Variants in NXPH1 observed in about 807,000 individuals in gnomAD.
NXPH1 encodes neurexophilin-1.
Under a neutral mutation model 23.7 loss-of-function variants are expected in NXPH1, and 5 were observed. The ratio of observed to expected loss-of-function variants is 0.21; its 90% CI spans 0.11 to 0.44. The LOEUF is 0.44. NXPH1 is among the 20% of genes least tolerant of loss of function. NXPH1 has a pLI of 0.99. For missense variants in NXPH1, 324 were observed against 321.6 expected (o/e 1.01, Z -0.06); for synonymous variants, 144 against 122.2 (o/e 1.18, Z -1.18).
intron 2 of NXPH1, among the ~76,000 whole-genome samples, chr7:8,461,836 C>CTAAAAAAAAA (rs1816701364): frequency 2.4e-5 from 1 of 41,762 alleles, no homozygotes; most frequent in African/African-American, 8.6e-5. Flanking sequence ...GACTCCGTCT[C>CTAAAAAAAAA]AAAAAAAAAA....
chr7:8,608,070 C>T (rs903887967), intron 2 of NXPH1, among the ~76,000 whole-genome samples: 6 of 152,198 alleles, frequency 3.9e-5, no homozygotes, highest in African/African-American at 1.2e-4. Flanking sequence ...GAGAACACTG[C>T]TTTGCTGATT....
At chr7:8,489,871 T>C (rs1033782238) in intron 2 of NXPH1, among the ~76,000 whole-genome samples, 15 of 152,234 alleles carry the variant, frequency 9.9e-5, no homozygotes, top group African/African-American at 2.9e-4. Context: ...TGCATCTCAA[T>C]AGCTTTGCTG....
At chr7:8,606,055 G>A (rs977797308) in intron 2 of NXPH1, among the ~76,000 whole-genome samples, 2 of 151,958 alleles carry the variant, frequency 1.3e-5, no homozygotes, top group East Asian at 1.9e-4. Context: ...ATAGTTCTTG[G>A]TGATTTTGTG....
At chr7:8,688,574 G>A (rs1371583303) in intron 2 of NXPH1, among the ~76,000 whole-genome samples, 1 of 152,178 alleles carries the variant, frequency 6.6e-6, no homozygotes. Context: ...TCTGTTGCAT[G>A]ACAGGCAAAG....
At chr7:8,475,991 A>G (rs1816964166) in intron 2 of NXPH1, among the ~76,000 whole-genome samples, 1 of 152,134 alleles carries the variant, frequency 6.6e-6, no homozygotes, top group Non-Finnish European at 1.5e-5. Flanking sequence ...GTTTATTTTT[A>G]AGGCAATGGG....
At chr7:8,663,007 T>A (rs780272066) in intron 2 of NXPH1, among the ~76,000 whole-genome samples, 2 of 152,080 alleles carry the variant, frequency 1.3e-5, no homozygotes, top group African/African-American at 2.4e-5. Flanking sequence ...AAGGTATGAG[T>A]GTAATACTGT....
At chr7:8,628,604 T>A (rs1209098625) in intron 2 of NXPH1, among the ~76,000 whole-genome samples, 1 of 151,520 alleles carries the variant, frequency 6.6e-6, no homozygotes. Context: ...AAAAAAGAAC[T>A]GGGGGGTATG....
In NXPH1 at chr7:8,751,578, C is replaced by G; in HGVS notation, c.625C>G (p.Leu209Val). Residue 209 changes from leucine (L) to valine (V), a missense_variant, in exon 3 of 3, where the codon CTC becomes GTC. By Grantham distance (32) the Leu-to-Val change is conservative (BLOSUM62 1). Transcript: ENST00000405863. The surrounding 1 kb of genome is among the most constrained non-coding windows in gnomAD (Gnocchi z 4.5). ...EKVDKATKNTLCNYDPSKTCY... is the reference protein window; with the variant it reads ...EKVDKATKNTVCNYDPSKTCY... ...GGTTGACAAGGCTACCAAGAACACA[C>G]TCTGCAACTATGACCCTTCAAAAAC... 2.5e-6 allele frequency: 4 copies of G among 1,613,518 alleles called. No individual in the cohort carries two copies. Among genetic ancestry groups the G allele is most frequent in the Non-Finnish European group, 3.4e-6 (4 of 1,179,728 alleles).
At chr7:8,601,078 C>T (rs1412025210) in intron 2 of NXPH1, among the ~76,000 whole-genome samples, 2 of 152,076 alleles carry the variant, frequency 1.3e-5, no homozygotes, top group Non-Finnish European at 2.9e-5. Flanking sequence ...CATTTTATAT[C>T]AGGAACTTGA....
intron 2 of NXPH1, among the ~76,000 whole-genome samples, chr7:8,461,819 A>G (rs1816700852): frequency 1.0e-5 from 1 of 100,376 alleles, no homozygotes; most frequent in East Asian, 3.9e-4. Flanking sequence ...CCTGGGCGAC[A>G]GAGCGAGACT....
intron 2 of NXPH1, among the ~76,000 whole-genome samples, chr7:8,735,479 G>T (rs1780233198): frequency 6.6e-6 from 1 of 152,166 alleles, no homozygotes; most frequent in Non-Finnish European, 1.5e-5. Flanking sequence ...GCATCCCAGG[G>T]ATGAAGCCGA....
chr7:8,570,828 G>A (rs766926887), intron 2 of NXPH1, among the ~76,000 whole-genome samples: 29 of 151,728 alleles, frequency 1.9e-4, no homozygotes, highest in African/African-American at 5.8e-4. Context: ...GGTAGATTGG[G>A]TGGTTTATAT....
At chr7:8,622,689 T>C (rs1402449460) in intron 2 of NXPH1, among the ~76,000 whole-genome samples, 1 of 152,196 alleles carries the variant, frequency 6.6e-6, no homozygotes, top group Non-Finnish European at 1.5e-5. Context: ...CAAATATTTA[T>C]TGAATACCAA....
intron 2 of NXPH1, among the ~76,000 whole-genome samples, chr7:8,643,145 G>A (rs1820344751): frequency 6.8e-6 from 1 of 147,922 alleles, no homozygotes; most frequent in Non-Finnish European, 1.5e-5. Flanking sequence ...TTACAAGCAT[G>A]AGCCACCATG....
intron 2 of NXPH1, among the ~76,000 whole-genome samples, chr7:8,626,280 T>G (rs1819985912): frequency 6.6e-6 from 1 of 152,152 alleles, no homozygotes; most frequent in African/African-American, 2.4e-5. Context: ...CATCATAAAT[T>G]ATGCATCTTT....
At chr7:8,445,094 A>C (rs1007647015) in intron 2 of NXPH1, among the ~76,000 whole-genome samples, 1 of 152,256 alleles carries the variant, frequency 6.6e-6, no homozygotes, top group South Asian at 2.1e-4. Flanking sequence ...ACTTACATCC[A>C]GTGGAGAGCT....
intron 2 of NXPH1, among the ~76,000 whole-genome samples, chr7:8,497,205 G>A (rs142048988): frequency 2.0e-5 from 3 of 152,144 alleles, no homozygotes; most frequent in South Asian, 2.1e-4. Flanking sequence ...CCTTTATTAC[G>A]GCTGCATAGT....
chr7:8,561,231 A>G (rs1173018712), intron 2 of NXPH1, among the ~76,000 whole-genome samples: 1 of 151,324 alleles, frequency 6.6e-6, no homozygotes, highest in Non-Finnish European at 1.5e-5. Context: ...TAGCAAGGAG[A>G]TTTGGTTGGT....
intron 2 of NXPH1, among the ~76,000 whole-genome samples, chr7:8,702,215 A>G (rs752208380): frequency 6.6e-6 from 1 of 152,116 alleles, no homozygotes; most frequent in African/African-American, 2.4e-5. Context: ...TCATGTAGAA[A>G]TAGTACATGG....
Sources: gnomAD v4.1 joint callset for allele counts (sites outside exome capture counted in the v4.1 genomes callset) on GRCh38, gnomAD v4.1.1 for gene constraint, Gnocchi (gnomAD v3.1) non-coding constraint, MANE v1.5 for transcripts, NCBI Gene and HGNC (gene_info 2026-07-23, HGNC 2026-07-21) for gene names.